Variants in ITGA6 observed in about 807,000 individuals in gnomAD.
The protein encoded by ITGA6 is integrin alpha-6.
Under a neutral mutation model 133.6 loss-of-function variants are expected in ITGA6, and 63 were observed. The ratio of observed to expected loss-of-function variants is 0.47; its 90% CI spans 0.38 to 0.58. The LOEUF is 0.58. Among genes scored for constraint, ITGA6 ranks in the 20% least tolerant of loss-of-function variants. The pLI is 0.00. For synonymous variants in ITGA6, 434 were observed against 482.0 expected (o/e 0.90, Z 1.30); for missense variants, 1,068 against 1,309.4 (o/e 0.82, Z 2.85).
At chr2:172,434,498 C>A (rs774404593) in intron 1 of ITGA6, among the ~76,000 whole-genome samples, 1 of 152,120 alleles carries the variant, frequency 6.6e-6, no homozygotes, top group Non-Finnish European at 1.5e-5. Flanking sequence ...GGCAGCAGAC[C>A]CTCCCCAGTT....
In ITGA6 at chr2:172,432,341, A is replaced by G. The variant is rs1455149598; in HGVS notation, c.182+4371A>G. Among the ~76,000 whole-genome samples, 3 of 152,250 alleles carry G rather than the reference A, an allele frequency of 2.0e-5. No individual in the cohort carries two copies. The East Asian group carries it at 5.8e-4, about 29-fold the overall frequency. Reference sequence around the variant, plus strand: ...GATGTTTTGTGCTAAACTGTGATCCACTATCTTTAGGACATGATCTAATCT... The same window carrying G: ...GATGTTTTGTGCTAAACTGTGATCCGCTATCTTTAGGACATGATCTAATCT... On this transcript the variant is annotated intron_variant, in intron 1 of 25. Transcript: ENST00000684293.
Position 172,505,674 on chromosome 2 carries a change from CTG to C in ITGA6, c.*1610_*1611del, listed in dbSNP as rs1336914521. 3.3e-5 allele frequency: 5 copies of C among 152,616 alleles called. No homozygotes were observed. The highest frequency in any genetic ancestry group is 4.2e-4 in the South Asian group (2 of 4,816). 9.5% of individuals were successfully genotyped at this position (152,616 alleles called of 1,614,324 possible). A position where few individuals can be genotyped will look rare whatever the true frequency, so the allele number is the denominator to read the frequency against. ...GTTTTGGATATAGTATAAGCAGTGT[CTG>C]TGTTTTGAAAGAATAGAACACAGTT... On this transcript the variant is annotated 3_prime_UTR_variant, in exon 26 of 26. Transcript: ENST00000684293.
intron 11 of ITGA6, among the ~76,000 whole-genome samples, chr2:172,481,300 T>A (rs1457151052): frequency 6.6e-6 from 1 of 152,220 alleles, no homozygotes; most frequent in African/African-American, 2.4e-5. Flanking sequence ...TAACCTAAAG[T>A]TGTTGCTTGA....
At chr2:172,497,507 A>G (rs966010513) in intron 23 of ITGA6, among the ~76,000 whole-genome samples, 1 of 149,922 alleles carries the variant, frequency 6.7e-6, no homozygotes, top group Non-Finnish European at 1.5e-5. Context: ...GTCTCCAAAA[A>G]AAAAAAAAAA....
rs201392719 is a variant in ITGA6 at position 172,475,708 on chromosome 2, T to C, written c.1269+23T>C. The C allele has an allele frequency of 1.4e-3, 1,883 of 1,304,396 alleles. 11 individuals are homozygous for C. Among genetic ancestry groups the C allele is most frequent in the South Asian group, 3.1e-3 (261 of 85,016 alleles). The allele number at this position is 1,304,396 out of a possible 1,614,324, so 80.8% of individuals were successfully genotyped here. A position where few individuals can be genotyped will look rare whatever the true frequency, so the allele number is the denominator to read the frequency against. ...CAGGTAACCAAATAACCGGGATTTC[T>C]ACAGCTAGAGTCTCAACTTTTTGCC... On this transcript the variant is annotated intron_variant, in intron 8 of 25. Transcript: ENST00000684293.
rs1686145381 is a variant in ITGA6, at chr2:172,475,732, C to T, written c.1269+47C>T. ...CTACAGCTAGAGTCTCAACTTTTTG[C>T]CCTATAATAAAATATTTAGGTTTAA... On this transcript the variant is annotated intron_variant, in intron 8 of 25. Transcript: ENST00000684293. 4.8e-6 allele frequency: 5 copies of T among 1,039,598 alleles called. No individual in the cohort carries two copies. In the African/African-American group the frequency reaches 7.8e-5, roughly 16 times the overall value. 64.4% of individuals were successfully genotyped at this position (1,039,598 alleles called of 1,614,324 possible). A position where few individuals can be genotyped will look rare whatever the true frequency, so the allele number is the denominator to read the frequency against.
chr2:172,455,440 G>T (rs985483918), intron 1 of ITGA6, among the ~76,000 whole-genome samples: 1 of 152,166 alleles, frequency 6.6e-6, no homozygotes, highest in Non-Finnish European at 1.5e-5. Flanking sequence ...CCCTCACCAA[G>T]TTTCATTCTA....
chr2:172,451,485 G>T (rs867834308), intron 1 of ITGA6, among the ~76,000 whole-genome samples: 10 of 151,590 alleles, frequency 6.6e-5, no homozygotes, highest in Middle Eastern at 3.4e-3. Context: ...AAAAGGGAAT[G>T]CTTATGGCAA....
chr2:172,482,347 C>T (rs1686482470), intron 11 of ITGA6, among the ~76,000 whole-genome samples: 2 of 152,174 alleles, frequency 1.3e-5, no homozygotes, highest in African/African-American at 4.8e-5. Flanking sequence ...TAAGTTAATA[C>T]ATCTAAAATC....
At chr2:172,502,256 A>G (rs1335227876) in intron 25 of ITGA6, among the ~76,000 whole-genome samples, 1 of 152,198 alleles carries the variant, frequency 6.6e-6, no homozygotes, top group African/African-American at 2.4e-5. Context: ...CCACTAGGGA[A>G]TTCAAAGATG....
rs1490692118 is a variant in ITGA6 at position 172,505,208 on chromosome 2, G to T, written c.*1140G>T. The T allele has an allele frequency of 6.6e-6, 1 of 152,494 alleles. No individual in the cohort carries two copies. The highest frequency in any genetic ancestry group is 1.5e-5 in the Non-Finnish European group (1 of 68,036). 9.4% of individuals were successfully genotyped at this position (152,494 alleles called of 1,614,324 possible). On this transcript the variant is annotated 3_prime_UTR_variant, in exon 26 of 26. Coordinates refer to ENST00000684293, the MANE Select transcript of ITGA6 (RefSeq NM_000210.4). Reference sequence around the variant, plus strand: ...GCATTGGATATTTTTTACTTTAGAAGCCTGCATAATGTTTCTGGATTTCAT... The same window carrying T: ...GCATTGGATATTTTTTACTTTAGAATCCTGCATAATGTTTCTGGATTTCAT...
Position 172,474,263 on chromosome 2 carries a change from TGG to T in ITGA6, c.986_986+1del. On this transcript the variant is annotated frameshift_variant and splice_region_variant, in exon 6 of 26. Coordinates refer to ENST00000684293, the MANE Select transcript of ITGA6 (RefSeq NM_000210.4). LOFTEE classifies it high-confidence loss of function. ...DVAVVDLNKD[G>X]WQDIVIGAPQ... Reference sequence around the variant, plus strand: ...TGGCGGTGGTGGACCTCAACAAGGATGGGTGAGAAAGCCTCAGGTTATATTAT... The same window carrying T: ...TGGCGGTGGTGGACCTCAACAAGGATGTGAGAAAGCCTCAGGTTATATTAT... 1 of 1,613,430 alleles carries T rather than the reference TGG, an allele frequency of 6.2e-7. No individual in the cohort carries two copies. The highest frequency in any genetic ancestry group is 1.1e-5 in the South Asian group (1 of 91,054).
At chr2:172,446,348 C>T (rs1211106459) in intron 1 of ITGA6, among the ~76,000 whole-genome samples, 1 of 151,486 alleles carries the variant, frequency 6.6e-6, no homozygotes, top group East Asian at 2.0e-4. Context: ...TATTTGATAA[C>T]AGGTTTTAAG....
intron 24 of ITGA6, among the ~76,000 whole-genome samples, chr2:172,500,082 G>A (rs1687287560): frequency 6.6e-6 from 1 of 151,886 alleles, no homozygotes; most frequent in African/African-American, 2.4e-5. Flanking sequence ...AGGATTTTAG[G>A]GTCAGAACTA....
intron 7 of ITGA6, 36 bp downstream of exon 7, chr2:172,475,158 G>GATT (rs1459410016): frequency 7.8e-7 from 1 of 1,287,850 alleles, no homozygotes; most frequent in South Asian, 1.2e-5. Context: ...ATGATTTATA[G>GATT]ATTATTTGAT....
intron 2 of ITGA6, chr2:172,466,088 CAG>C (rs1282283385): frequency 2.1e-5 from 6 of 288,072 alleles, no homozygotes; most frequent in African/African-American, 1.3e-4. Flanking sequence ...AGCTGGCTAA[CAG>C]AGATAAAGTT....
intron 23 of ITGA6, among the ~76,000 whole-genome samples, chr2:172,496,472 T>G (rs1252070818): frequency 6.6e-6 from 1 of 152,218 alleles, no homozygotes; most frequent in Non-Finnish European, 1.5e-5. Context: ...GTTGAGAAAC[T>G]GTTTCCTAGA....
intron 1 of ITGA6, among the ~76,000 whole-genome samples, chr2:172,436,508 TC>T (rs1307150855): frequency 4.8e-4 from 73 of 152,284 alleles, no homozygotes; most frequent in African/African-American, 1.7e-3. Flanking sequence ...ATGATACCTC[TC>T]CCCAAGCTTA....
At chr2:172,428,038 G>A (rs1683932643) in intron 1 of ITGA6, 68 bp downstream of exon 1, 4 of 1,516,248 alleles carry the variant, frequency 2.6e-6, no homozygotes, top group Non-Finnish European at 3.6e-6. Flanking sequence ...GCGAGGGCGC[G>A]CCCTGTTCCC....
Sources: gnomAD v4.1 joint callset for allele counts (sites outside exome capture counted in the v4.1 genomes callset) on GRCh38, gnomAD v4.1.1 for gene constraint, MANE v1.5 for transcripts, NCBI Gene and HGNC (gene_info 2026-07-23, HGNC 2026-07-21) for gene names.